Variants in FOXP2 observed in about 807,000 individuals in gnomAD.
FOXP2 encodes the protein forkhead box protein P2.
In FOXP2, 12 loss-of-function variants were observed where a neutral mutation model predicts 115.8. That is an observed-to-expected ratio of 0.10 (90% CI 0.07 to 0.17). The LOEUF (loss-of-function observed/expected upper bound fraction) is 0.17. Among genes scored for constraint, FOXP2 ranks in the 10% least tolerant of loss-of-function variants. FOXP2 has a pLI of 1.00. For synonymous variants in FOXP2, 328 were observed against 297.7 expected (o/e 1.10, Z -1.05); for missense variants, 629 against 843.5 (o/e 0.75, Z 3.15).
chr7:114,249,792 TG>T (rs1795390066), intron 1 of FOXP2, among the ~76,000 whole-genome samples: 1 of 151,990 alleles, frequency 6.6e-6, no homozygotes, highest in Non-Finnish European at 1.5e-5. Context: ...TGTTTTTTTT[TG>T]TTTTTTTGTT....
chr7:114,517,683 T>G (rs1230806392), intron 2 of FOXP2, among the ~76,000 whole-genome samples: 1 of 152,212 alleles, frequency 6.6e-6, no homozygotes, highest in African/African-American at 2.4e-5. Context: ...CACTGATCTT[T>G]GTGTCTGTTT....
At position 114,658,089 on chromosome 7, in the gene FOXP2, C is replaced by A. The variant is rs1806682907; in HGVS notation, c.1290C>A (p.Thr430=). 1 of 1,613,844 alleles carries A rather than the reference C, an allele frequency of 6.2e-7. No homozygotes were observed. The highest frequency in any genetic ancestry group is 8.5e-7 in the Non-Finnish European group (1 of 1,179,850). The change falls in exon 11 of 17, where the codon ACC becomes ACA. Residue 430 remains threonine (T), a synonymous_variant. Coordinates refer to ENST00000350908, the MANE Select transcript of FOXP2 (RefSeq NM_014491.4). ...PKPLNLVSSV[T]MSKNMLETSP... Reference sequence around the variant, plus strand: ...AGCTAAATCTGGTGTCTAGTGTCACCATGTCGAAGAATATGTTGGAGACAT... The same window carrying A: ...AGCTAAATCTGGTGTCTAGTGTCACAATGTCGAAGAATATGTTGGAGACAT...
At chr7:114,206,036 A>G (rs993131654) in intron 1 of FOXP2, among the ~76,000 whole-genome samples, 4 of 152,128 alleles carry the variant, frequency 2.6e-5, no homozygotes, top group Non-Finnish European at 5.9e-5. Flanking sequence ...TTGAGAATAG[A>G]TTAGAACCTA....
chr7:114,644,653 G>A lies in FOXP2; in HGVS notation c.990-32G>A, dbSNP rs1456164585. Reference sequence around the variant, plus strand: ...GCCTGCAACGATTATAGCTTTTTGAGATGAATCTGACGTCGTGTTCTTTTG... The same window carrying A: ...GCCTGCAACGATTATAGCTTTTTGAAATGAATCTGACGTCGTGTTCTTTTG... On this transcript the variant is annotated intron_variant, in intron 7 of 16. Transcript: ENST00000350908. 3.2e-6 allele frequency: 5 copies of A among 1,573,956 alleles called. No individual in the cohort carries two copies. In the South Asian group the frequency reaches 4.4e-5, roughly 14 times the overall value.
intron 2 of FOXP2, among the ~76,000 whole-genome samples, chr7:114,398,395 G>A (rs1024892801): frequency 2.0e-5 from 3 of 152,006 alleles, no homozygotes; most frequent in African/African-American, 7.2e-5. Context: ...AATAAACTGG[G>A]AAGATATTTG....
chr7:114,426,619 A>T lies in FOXP2; in HGVS notation c.108A>T (p.Ser36=). ...ATGCTGGCAGCAGAGATGGAAGATC[A>T]AGTGGTGACACCAGCTCTGAAGTAA... ...QLDAGSRDGR[S]SGDTSSEVST... Residue 36 remains serine (S), a synonymous_variant, in exon 2 of 17, where the codon TCA becomes TCT. Transcript: ENST00000350908. 6.2e-7 allele frequency: 1 copy of T among 1,611,686 alleles called. No homozygotes were observed. The highest frequency in any genetic ancestry group is 8.5e-7 in the Non-Finnish European group (1 of 1,178,406).
At position 114,492,105 on chromosome 7, in the gene FOXP2, T is replaced by C. The variant is rs564809017; in HGVS notation, c.169-42512T>C. 3.3e-5 allele frequency among the ~76,000 whole-genome samples: 5 copies of C among 152,338 alleles called. No homozygotes were observed. In the East Asian group the frequency reaches 9.6e-4, roughly 29 times the overall value. The stretch of plus-strand genomic sequence containing the variant: ...AATTTCAGAGTCTGTTATTGGTCTA[T>C]TCAGAGATTCAACTTCTTCCTGGTT... On this transcript the variant is annotated intron_variant, in intron 2 of 16. Coordinates refer to ENST00000350908, the MANE Select transcript of FOXP2 (RefSeq NM_014491.4).
chr7:114,680,231 G>A (rs145815809), intron 16 of FOXP2, among the ~76,000 whole-genome samples: 52 of 152,240 alleles, frequency 3.4e-4, no homozygotes, highest in African/African-American at 1.2e-3. Context: ...ACATAAATTG[G>A]TGTTTTTTTG....
chr7:114,485,748 A>G (rs1796745649), intron 2 of FOXP2, among the ~76,000 whole-genome samples: 1 of 152,134 alleles, frequency 6.6e-6, no homozygotes, highest in Non-Finnish European at 1.5e-5. Context: ...TCATCTCATA[A>G]CCCTTTGAGA....
Position 114,631,658 on chromosome 7 carries a change from C to G in FOXP2, c.728C>G (p.Ser243Cys). The change falls in exon 6 of 17, where the codon TCC becomes TGC. Residue 243 changes from serine to cysteine, a missense_variant. By Grantham distance (112) the Ser-to-Cys change is moderately radical (BLOSUM62 -1). Around this residue, in one of 9 missense-constraint regions of FOXP2, gnomAD observed 138 missense variants for 205.1 expected, o/e 0.67. Coordinates refer to ENST00000350908, the MANE Select transcript of FOXP2 (RefSeq NM_014491.4). ...LLSLQRQGLISIPPGQAALPV... is the reference protein window; with the variant it reads ...LLSLQRQGLICIPPGQAALPV... Reference sequence around the variant, plus strand: ...AGCCTTCAGCGTCAGGGACTCATCTCCATTCCACCTGGCCAGGCAGCACTT... The same window carrying G: ...AGCCTTCAGCGTCAGGGACTCATCTGCATTCCACCTGGCCAGGCAGCACTT... 2 of 1,614,124 alleles carry G rather than the reference C, an allele frequency of 1.2e-6. No homozygotes were observed. The highest frequency in any genetic ancestry group is 1.7e-6 in the Non-Finnish European group (2 of 1,180,020).
upstream of FOXP2, among the ~76,000 whole-genome samples, chr7:114,161,066 T>A (rs1222127072): frequency 6.6e-6 from 1 of 152,174 alleles, no homozygotes; most frequent in African/African-American, 2.4e-5. Flanking sequence ...TGTGCATTGG[T>A]CTTCACTGAC....
At chr7:114,356,731 T>G (rs1052474101) in intron 2 of FOXP2, among the ~76,000 whole-genome samples, 6 of 152,164 alleles carry the variant, frequency 3.9e-5, no homozygotes, top group African/African-American at 1.4e-4. Context: ...CTTCTAATAT[T>G]AGTCAAGGCT....
chr7:114,505,502 A>G (rs903467869), intron 2 of FOXP2, among the ~76,000 whole-genome samples: 1 of 151,200 alleles, frequency 6.6e-6, no homozygotes, highest in Non-Finnish European at 1.5e-5. Flanking sequence ...TTATCTATCA[A>G]TTTTATAAAT....
At chr7:114,666,996 A>G (rs979294735) in intron 16 of FOXP2, 1 of 152,174 alleles carries the variant, frequency 6.6e-6, no homozygotes, top group Non-Finnish European at 1.5e-5. Context: ...AAATGAGTCT[A>G]TAAACAATAT....
chr7:114,438,196 GTAGC>G (rs1386319454), intron 2 of FOXP2, among the ~76,000 whole-genome samples: 2 of 152,056 alleles, frequency 1.3e-5, no homozygotes, highest in African/African-American at 4.8e-5. Context: ...TTGAGGCATT[GTAGC>G]TTCATTTGGA....
chr7:114,306,947 TG>T (rs1241301046), intron 2 of FOXP2, among the ~76,000 whole-genome samples: 2 of 152,128 alleles, frequency 1.3e-5, no homozygotes, highest in African/African-American at 4.8e-5. Context: ...GTGATTACAG[TG>T]GGTCCACTGG....
intron 2 of FOXP2, among the ~76,000 whole-genome samples, chr7:114,462,692 C>A (rs1795633073): frequency 6.6e-6 from 1 of 152,128 alleles, no homozygotes; most frequent in African/African-American, 2.4e-5. Context: ...TATCTTTTCA[C>A]ATCATAGTCT....
Position 114,254,190 on chromosome 7 carries a change from T to A in FOXP2, c.-101-33829T>A, listed in dbSNP as rs1256443992. ...TGTTAGTCTGATGGGCTTCCCTTTG[T>A]GGGTAACCCGACCTTTCTCTCTGGC... On this transcript the variant is annotated intron_variant, in intron 1 of 17. Coordinates refer to the FOXP2 transcript ENST00000634411. Among the ~76,000 whole-genome samples the A allele has an allele frequency of 3.9e-5, 6 of 152,342 alleles. No individual in the cohort carries two copies. In the East Asian group the frequency reaches 1.2e-3, roughly 29 times the overall value.
Position 114,298,189 on chromosome 7 carries a change from G to A in FOXP2, c.-11+10080G>A, listed in dbSNP as rs193223882. 3.9e-5 allele frequency among the ~76,000 whole-genome samples: 6 copies of A among 152,256 alleles called. No individual in the cohort carries two copies. The East Asian group carries it at 9.7e-4, about 25-fold the overall frequency. The stretch of plus-strand genomic sequence containing the variant: ...TTTAACAATATATTCTAGACTTGTA[G>A]CAACATGCCAAACTGCAGATCAGAG... On this transcript the variant is annotated intron_variant, in intron 2 of 17. Coordinates refer to the FOXP2 transcript ENST00000634411.
Sources: allele counts gnomAD v4.1 joint callset (sites outside exome capture counted in the v4.1 genomes callset), GRCh38; gene constraint gnomAD v4.1.1; regional missense constraint gnomAD v4.1.1; transcripts MANE v1.5; gene names NCBI Gene and HGNC (gene_info 2026-07-23, HGNC 2026-07-21).